The following CNTNAP2 variants were observed in gnomAD, a reference collection of about 807,000 sequenced individuals.
CNTNAP2 encodes contactin-associated protein-like 2.
CNTNAP2 carries 98 observed loss-of-function variants against 155.2 expected under a neutral mutation model. The observed-to-expected ratio is 0.63, with a 90% CI of 0.54 to 0.75. The LOEUF (loss-of-function observed/expected upper bound fraction) is 0.75. Among genes scored for constraint, CNTNAP2 ranks in the 30% least tolerant of loss-of-function variants. The pLI, the probability that CNTNAP2 is intolerant of heterozygous loss-of-function variation, is 0.00. For missense variants in CNTNAP2, 1,727 were observed against 1,688.1 expected (o/e 1.02, Z -0.40); for synonymous variants, 651 against 631.2 (o/e 1.03, Z -0.47).
At chr7:146,352,851 T>C (rs574616067) in intron 1 of CNTNAP2, among the ~76,000 whole-genome samples, 16 of 140,902 alleles carry the variant, frequency 1.1e-4, no homozygotes, top group Non-Finnish European at 2.1e-4. Context: ...GCCTCCCGGG[T>C]TCACGCCATT....
At chr7:147,143,793 G>T (rs994905853) in intron 8 of CNTNAP2, among the ~76,000 whole-genome samples, 6 of 152,060 alleles carry the variant, frequency 3.9e-5, no homozygotes, top group African/African-American at 1.4e-4. Flanking sequence ...AGATATTAAA[G>T]CCTAGAGATG....
intron 8 of CNTNAP2, among the ~76,000 whole-genome samples, chr7:147,195,775 C>G (rs533932435): frequency 6.6e-6 from 1 of 152,114 alleles, no homozygotes; most frequent in South Asian, 2.1e-4. Flanking sequence ...TATCCTGAGA[C>G]TTGGCTGAAG....
At chr7:147,820,939 T>A (rs187943948) in intron 13 of CNTNAP2, among the ~76,000 whole-genome samples, 2 of 152,244 alleles carry the variant, frequency 1.3e-5, no homozygotes, top group East Asian at 3.9e-4. Context: ...TAGGTACTAA[T>A]GTGGAAGTAT....
At chr7:146,591,038 A>G (rs926544286) in intron 1 of CNTNAP2, among the ~76,000 whole-genome samples, 1 of 152,184 alleles carries the variant, frequency 6.6e-6, no homozygotes, top group African/African-American at 2.4e-5. Context: ...AAACAACCAC[A>G]GAGAAAACAG....
chr7:147,131,199 G>A (rs1250378044), intron 7 of CNTNAP2, among the ~76,000 whole-genome samples: 1 of 149,466 alleles, frequency 6.7e-6, no homozygotes, highest in Admixed American at 6.7e-5. Flanking sequence ...CCATACACAT[G>A]TATACCATAT....
chr7:148,375,047 T>C (rs1798958244), intron 21 of CNTNAP2, among the ~76,000 whole-genome samples: 2 of 152,130 alleles, frequency 1.3e-5, no homozygotes, highest in African/African-American at 4.8e-5. Context: ...CCTTCCAGGC[T>C]TTCTATCTTA....
At chr7:146,603,742 A>G (rs1363922021) in intron 1 of CNTNAP2, among the ~76,000 whole-genome samples, 15 of 151,128 alleles carry the variant, frequency 9.9e-5, no homozygotes, top group Non-Finnish European at 1.6e-4. Flanking sequence ...TCAATGGAAC[A>G]GAACACAGCC....
intron 12 of CNTNAP2, among the ~76,000 whole-genome samples, chr7:147,627,293 C>G (rs940038444): frequency 6.6e-6 from 1 of 152,066 alleles, no homozygotes; most frequent in African/African-American, 2.4e-5. Context: ...TACCAGCTCC[C>G]CAGCAATGGA....
chr7:148,153,081 G>A (rs1262672962), intron 17 of CNTNAP2, among the ~76,000 whole-genome samples: 4 of 144,028 alleles, frequency 2.8e-5, no homozygotes, highest in African/African-American at 1.0e-4. Flanking sequence ...CCCATGGTTA[G>A]TTTAGCCTGA....
rs533854132 is a variant in CNTNAP2, at chr7:146,967,267, TC to T, written c.403-76639del. 2.1e-3 allele frequency among the ~76,000 whole-genome samples: 322 copies of T among 152,330 alleles called. 1 individual carries two copies. Among genetic ancestry groups the T allele is most frequent in the African/African-American group, 7.1e-3 (296 of 41,572 alleles). ...TTAGTAACATTATTACATATTATGT[TC>T]ATATGCATGTAACCTATATATTTCC... On this transcript the variant is annotated intron_variant, in intron 3 of 23. Transcript: ENST00000361727.
In CNTNAP2 at chr7:146,650,935, G is replaced by C. The variant is rs540694424; in HGVS notation, c.98-123336G>C. ...TTCAGGAGGCTGAGGTGTGAGAATT[G>C]CTTGAGCCCAGGAGTTCAAAGCTGC... On this transcript the variant is annotated intron_variant, in intron 1 of 23. Coordinates refer to ENST00000361727, the MANE Select transcript of CNTNAP2 (RefSeq NM_014141.6). Among the ~76,000 whole-genome samples the C allele has an allele frequency of 2.4e-4, 37 of 152,064 alleles. 1 individual carries two copies. Among genetic ancestry groups the C allele is most frequent in the Non-Finnish European group, 1.5e-4 (10 of 68,000 alleles).
In CNTNAP2 at chr7:148,326,677, C is replaced by T. The variant is rs376932473; in HGVS notation, c.3476-56972C>T. On this transcript the variant is annotated intron_variant, in intron 21 of 23. Coordinates refer to ENST00000361727, the MANE Select transcript of CNTNAP2 (RefSeq NM_014141.6). ...GTCAGGAGATCGAGACCATCTTGGC[C>T]AACACGGTGAAACCCCGTCTCTACT... is the stretch of plus-strand genomic sequence containing the variant. 6.2e-3 allele frequency among the ~76,000 whole-genome samples: 948 copies of T among 151,770 alleles called. 11 individuals carry two copies. The highest frequency in any genetic ancestry group is 0.031 in the Middle Eastern group (9 of 294).
chr7:146,721,695 ATATT>A (rs1295907432), intron 1 of CNTNAP2, among the ~76,000 whole-genome samples: 2 of 117,592 alleles, frequency 1.7e-5, no homozygotes, highest in Non-Finnish European at 3.1e-5. Context: ...TTCTATATAT[ATATT>A]CTATATACAT....
At chr7:146,961,857 T>C (rs1167324533) in intron 3 of CNTNAP2, among the ~76,000 whole-genome samples, 1 of 152,136 alleles carries the variant, frequency 6.6e-6, no homozygotes, top group African/African-American at 2.4e-5. Context: ...ATGAGCTAAA[T>C]TTGACTCCTG....
intron 13 of CNTNAP2, among the ~76,000 whole-genome samples, chr7:147,647,375 G>C (rs570432681): frequency 3.3e-5 from 5 of 151,320 alleles, no homozygotes; most frequent in South Asian, 4.2e-4. Flanking sequence ...CAATGTAAGA[G>C]GACACCCTTC....
chr7:148,287,772 C>CTT (rs1797107717), intron 21 of CNTNAP2, among the ~76,000 whole-genome samples: 2 of 148,638 alleles, frequency 1.3e-5, no homozygotes, highest in Admixed American at 1.4e-4. Flanking sequence ...GGTCTCTCTT[C>CTT]CTCTTTCTTT....
chr7:146,237,240 T>G (rs909371555), intron 1 of CNTNAP2, among the ~76,000 whole-genome samples: 1 of 152,108 alleles, frequency 6.6e-6, no homozygotes, highest in Non-Finnish European at 1.5e-5. Context: ...TAGGCAGAGT[T>G]GATACAAAAG....
At chr7:147,218,712 A>G (rs1803329265) in intron 8 of CNTNAP2, among the ~76,000 whole-genome samples, 1 of 152,126 alleles carries the variant, frequency 6.6e-6, no homozygotes, top group Admixed American at 6.5e-5. Context: ...TGTTGGATAA[A>G]GTAGTCTGTA....
chr7:146,364,589 G>A (rs1173217935), intron 1 of CNTNAP2, among the ~76,000 whole-genome samples: 2 of 151,946 alleles, frequency 1.3e-5, no homozygotes, highest in Non-Finnish European at 2.9e-5. Context: ...AAATATAATT[G>A]GTTTTCAAGA....
Sources: allele counts gnomAD v4.1 joint callset (sites outside exome capture counted in the v4.1 genomes callset), GRCh38; gene constraint gnomAD v4.1.1; transcripts MANE v1.5; gene names NCBI Gene and HGNC (gene_info 2026-07-23, HGNC 2026-07-21).